The following GUCY1A2 variants were observed in gnomAD, a reference collection of about 807,000 sequenced individuals.
GUCY1A2 encodes guanylate cyclase soluble subunit alpha-2.
GUCY1A2 carries 27 observed loss-of-function variants against 63.5 expected under a neutral mutation model. That is an observed-to-expected ratio of 0.43 (90% confidence interval 0.31 to 0.59). GUCY1A2 has a LOEUF of 0.59. GUCY1A2 is among the 20% of genes least tolerant of loss of function. The pLI, the probability that GUCY1A2 is intolerant of heterozygous loss-of-function variation, is 0.11. For missense variants in GUCY1A2, 768 were observed against 913.3 expected, an observed-to-expected ratio of 0.84 and a Z score of 2.05; for synonymous variants, 364 against 343.5, an observed-to-expected ratio of 1.06 and a Z score of -0.66.
Position 106,742,092 on chromosome 11 carries a change from T to C in GUCY1A2, c.1837-33426A>G, listed in dbSNP as rs78025898. Among the ~76,000 whole-genome samples the C allele has an allele frequency of 1.0e-3, 154 of 152,368 alleles. 3 individuals are homozygous for C. The East Asian group carries it at 0.017, about 17-fold the overall frequency. ...TGCCTTTCAATTGCATGCCATTTTA[T>C]TCACAGTTCATGTTGTTATCAAAAT... On this transcript the variant is annotated intron_variant, in intron 6 of 7. Transcript: ENST00000526355.
intron 7 of GUCY1A2, among the ~76,000 whole-genome samples, chr11:106,694,824 GAT>G (rs1182808685): frequency 6.6e-6 from 1 of 152,136 alleles, no homozygotes; most frequent in African/African-American, 2.4e-5. Context: ...ATCATTTCAA[GAT>G]ATCCAGCTTA....
chr11:106,992,662 A>G (rs1211678640), intron 1 of GUCY1A2, among the ~76,000 whole-genome samples: 1 of 152,156 alleles, frequency 6.6e-6, no homozygotes, highest in Non-Finnish European at 1.5e-5. Flanking sequence ...ACTGTCTTCA[A>G]TAAGTAAGTA....
chr11:106,728,392 G>A (rs1863444279), intron 6 of GUCY1A2, among the ~76,000 whole-genome samples: 1 of 152,022 alleles, frequency 6.6e-6, no homozygotes. Flanking sequence ...ATATATCATA[G>A]TAGACTCTGA....
rs1165613139 is a variant in GUCY1A2, at chr11:106,685,013, C to A, written c.*2536G>T. On this transcript the variant is annotated 3_prime_UTR_variant, in exon 8 of 8. Coordinates refer to ENST00000526355, the MANE Select transcript of GUCY1A2 (RefSeq NM_000855.3). ...GAATGAACAGACATTTTATATAGTA[C>A]CTCATAAACATATATAGCAACATTG... 1 of 204,248 alleles carries A rather than the reference C, an allele frequency of 4.9e-6. No individual in the cohort carries two copies. The highest frequency in any genetic ancestry group is 1.0e-5 in the Non-Finnish European group (1 of 99,934). 12.7% of individuals were successfully genotyped at this position (204,248 alleles called of 1,614,324 possible).
At chr11:106,878,111 T>C (rs895818697) in intron 4 of GUCY1A2, among the ~76,000 whole-genome samples, 7 of 152,038 alleles carry the variant, frequency 4.6e-5, no homozygotes, top group Admixed American at 2.0e-4. Context: ...ATGGCTATTA[T>C]TAAAAAGTCA....
rs1862508641 is a variant in GUCY1A2, at chr11:106,685,410, A to G, written c.*2139T>C. On this transcript the variant is annotated 3_prime_UTR_variant, in exon 8 of 8. Coordinates refer to ENST00000526355, the MANE Select transcript of GUCY1A2 (RefSeq NM_000855.3). ...GTATGGAGATAATAAATATGTGTTT[A>G]GAGTAGTTGCTTAGACAAATCTTTA... 4.6e-6 allele frequency: 1 copy of G among 218,232 alleles called. No individual in the cohort carries two copies. The highest frequency in any genetic ancestry group is 5.8e-5 in the Admixed American group (1 of 17,236). 13.5% of individuals were successfully genotyped at this position (218,232 alleles called of 1,614,324 possible).
At chr11:106,899,100 T>G (rs148422396) in intron 4 of GUCY1A2, among the ~76,000 whole-genome samples, 267 of 152,262 alleles carry the variant, frequency 1.8e-3, no homozygotes, top group African/African-American at 6.2e-3. Context: ...CCTTTAAAAA[T>G]TAAAATTTTT....
intron 4 of GUCY1A2, among the ~76,000 whole-genome samples, chr11:106,909,238 G>A (rs902538607): frequency 1.1e-4 from 17 of 151,488 alleles, no homozygotes; most frequent in African/African-American, 4.1e-4. Context: ...AGAGATCTTG[G>A]ATGCCCTTTA....
At chr11:106,869,342 T>C (rs915187631) in intron 4 of GUCY1A2, among the ~76,000 whole-genome samples, 5 of 152,138 alleles carry the variant, frequency 3.3e-5, no homozygotes, top group African/African-American at 9.7e-5. Context: ...TGGGAGAACA[T>C]TTTTGCAATC....
intron 6 of GUCY1A2, among the ~76,000 whole-genome samples, chr11:106,775,477 G>GT (rs36074221): frequency 0.58 from 85,276 of 146,554 alleles, 24,802 homozygotes; most frequent in Admixed American, 0.62. Flanking sequence ...CACCAATTAC[G>GT]TTTTTTTTTT....
Position 106,839,039 on chromosome 11 carries a change from GA to G in GUCY1A2, c.1207-28562del, listed in dbSNP as rs535277638. Among the ~76,000 whole-genome samples, 536 of 152,220 alleles carry G rather than the reference GA, an allele frequency of 3.5e-3. 5 individuals carry two copies. Among genetic ancestry groups the G allele is most frequent in the African/African-American group, 0.012 (519 of 41,550 alleles). ...CCATAGCTTTTGGTGTTTTAGACATGAAGTCCTTGCCCATACCTATGTCCTG... is the reference window on the plus strand; with the variant it reads ...CCATAGCTTTTGGTGTTTTAGACATGAGTCCTTGCCCATACCTATGTCCTG... On this transcript the variant is annotated intron_variant, in intron 4 of 7. Coordinates refer to ENST00000526355, the MANE Select transcript of GUCY1A2 (RefSeq NM_000855.3).
At chr11:106,746,867 G>T (rs1039918481) in intron 6 of GUCY1A2, among the ~76,000 whole-genome samples, 1 of 152,158 alleles carries the variant, frequency 6.6e-6, no homozygotes, top group Non-Finnish European at 1.5e-5. Context: ...AGAAAGCATC[G>T]TAGAAAAAGG....
rs1395385817 is a variant in GUCY1A2, at chr11:106,868,330, A to G, written c.1207-57852T>C. On this transcript the variant is annotated intron_variant, in intron 4 of 7. Transcript: ENST00000526355. ...GAAGTCAAATTGTCCCTGTTTGCAG[A>G]TGACTTGATTGTATATCTGGAAAAC... Among the ~76,000 whole-genome samples the G allele has an allele frequency of 2.0e-5, 3 of 152,188 alleles. No individual in the cohort carries two copies. In the South Asian group the frequency reaches 6.2e-4, roughly 32 times the overall value.
chr11:106,724,426 T>C (rs1386436533), intron 6 of GUCY1A2, among the ~76,000 whole-genome samples: 1 of 152,214 alleles, frequency 6.6e-6, no homozygotes, highest in Non-Finnish European at 1.5e-5. Flanking sequence ...TCCCTGAATC[T>C]GATCACCCTA....
intron 6 of GUCY1A2, among the ~76,000 whole-genome samples, chr11:106,757,286 G>T (rs1037811074): frequency 6.6e-6 from 1 of 152,010 alleles, no homozygotes; most frequent in Non-Finnish European, 1.5e-5. Flanking sequence ...CCTGGCATTG[G>T]GTGAGAACAT....
At chr11:106,787,415 G>GATTTT (rs111670130) in intron 5 of GUCY1A2, among the ~76,000 whole-genome samples, 2 of 135,964 alleles carry the variant, frequency 1.5e-5, no homozygotes, top group Non-Finnish European at 3.1e-5. Context: ...GCCTTACTTT[G>GATTTT]TTTTTTTTTT....
chr11:106,709,352 AT>A (rs568025198), intron 6 of GUCY1A2, among the ~76,000 whole-genome samples: 1,289 of 100,858 alleles, frequency 0.013, 25 homozygotes, highest in East Asian at 0.038. Flanking sequence ...AAATTTATAT[AT>A]TTTATATAAT....
At chr11:106,889,304 C>G (rs185804965) in intron 4 of GUCY1A2, among the ~76,000 whole-genome samples, 1 of 151,862 alleles carries the variant, frequency 6.6e-6, no homozygotes, top group South Asian at 2.1e-4. Flanking sequence ...AAAAAAGTGC[C>G]CAGAAAAGTT....
intron 3 of GUCY1A2, among the ~76,000 whole-genome samples, chr11:106,947,771 A>G (rs1346600105): frequency 6.6e-6 from 1 of 152,040 alleles, no homozygotes; most frequent in Admixed American, 6.5e-5. Context: ...AAATCAATAA[A>G]AAGGAGCCTG....
Sources: allele counts gnomAD v4.1 joint callset (sites outside exome capture counted in the v4.1 genomes callset), GRCh38; gene constraint gnomAD v4.1.1; transcripts MANE v1.5; gene names NCBI Gene and HGNC (gene_info 2026-07-23, HGNC 2026-07-21).